KTN1: variants seen among roughly 807,000 people sequenced by gnomAD.
The protein encoded by KTN1 is kinectin 1.
Under a neutral mutation model 222.5 loss-of-function variants are expected in KTN1, and 130 were observed. The observed-to-expected ratio is 0.58, with a 90% CI of 0.51 to 0.68. The LOEUF (loss-of-function observed/expected upper bound fraction) is 0.68. KTN1 is among the 30% of genes least tolerant of loss of function. The pLI is 0.00. For synonymous variants in KTN1, 512 were observed against 496.3 expected, an observed-to-expected ratio of 1.03 and a Z score of -0.42; for missense variants, 1,508 against 1,500.4, an observed-to-expected ratio of 1.01 and a Z score of -0.08.
intron 5 of KTN1, among the ~76,000 whole-genome samples, chr14:55,626,866 C>CTTTTTTTTTTTTTTTT (rs35566825): frequency 6.7e-6 from 1 of 150,172 alleles, no homozygotes. Flanking sequence ...TTATCTGCAA[C>CTTTTTTTTTTTTTTTT]TTTTTTTTTC....
intron 35 of KTN1, among the ~76,000 whole-genome samples, chr14:55,671,144 A>T (rs2045409251): frequency 6.6e-6 from 1 of 152,190 alleles, no homozygotes; most frequent in African/African-American, 2.4e-5. Context: ...TTGCTGAAGC[A>T]TCCCCAAATA....
At chr14:55,634,443 G>C in intron 8 of KTN1, 83 bp from the exon 9 acceptor site, 1 of 1,283,332 alleles carries the variant, frequency 7.8e-7, no homozygotes, top group Non-Finnish European at 1.0e-6. Flanking sequence ...GCTCAGCTCA[G>C]CAAAACTAAC....
At chr14:55,591,277 G>T (rs749965282) in intron 1 of KTN1, among the ~76,000 whole-genome samples, 1 of 152,038 alleles carries the variant, frequency 6.6e-6, no homozygotes, top group Non-Finnish European at 1.5e-5. Flanking sequence ...AACTAAAAAC[G>T]CTAGTCAAGA....
chr14:55,605,684 A>G (rs2036626407), intron 1 of KTN1, among the ~76,000 whole-genome samples: 1 of 152,190 alleles, frequency 6.6e-6, no homozygotes, highest in South Asian at 2.1e-4. Context: ...CTTGCCTTCC[A>G]TTTTACTGCC....
At chr14:55,653,708 G>T in intron 28 of KTN1, 112 bp downstream of exon 28, 1 of 742,652 alleles carries the variant, frequency 1.3e-6, no homozygotes. Flanking sequence ...TTATTGTTAA[G>T]TGGAAATTAT....
chr14:55,651,190 G>A (rs767400554), intron 24 of KTN1: 3 of 448,930 alleles, frequency 6.7e-6, no homozygotes, highest in Non-Finnish European at 1.3e-5. Flanking sequence ...ACTTGTCAAA[G>A]CACTGTACTC....
chr14:55,650,680 G>A (rs771129577), intron 24 of KTN1, 43 bp downstream of exon 24: 2 of 1,404,182 alleles, frequency 1.4e-6, no homozygotes, highest in Middle Eastern at 2.0e-4. Context: ...TATTAGTTGT[G>A]TTATTTATGA....
At chr14:55,648,139 T>G (rs2042580961) in intron 20 of KTN1, 24 bp downstream of exon 20, 2 of 1,229,144 alleles carry the variant, frequency 1.6e-6, no homozygotes, top group Admixed American at 4.3e-5. Flanking sequence ...TAGTTTTGTT[T>G]TCCTTGTGAT....
chr14:55,641,967 C>T (rs2041853390), intron 18 of KTN1, among the ~76,000 whole-genome samples: 1 of 152,036 alleles, frequency 6.6e-6, no homozygotes, highest in Non-Finnish European at 1.5e-5. Flanking sequence ...AAAGCACATT[C>T]CAGAAAAATA....
intron 5 of KTN1, among the ~76,000 whole-genome samples, chr14:55,622,409 G>A (rs2039278225): frequency 6.6e-6 from 1 of 152,078 alleles, no homozygotes; most frequent in African/African-American, 2.4e-5. Context: ...TAAAAAAATT[G>A]TAAAATAAAA....
At chr14:55,618,516 A>C (rs2038705694) in intron 4 of KTN1, among the ~76,000 whole-genome samples, 1 of 152,190 alleles carries the variant, frequency 6.6e-6, no homozygotes, top group Admixed American at 6.5e-5. Context: ...TTTCCACATA[A>C]GTACACAACT....
intron 1 of KTN1, among the ~76,000 whole-genome samples, chr14:55,587,544 A>T (rs74810451): frequency 6.6e-6 from 1 of 152,334 alleles, no homozygotes; most frequent in East Asian, 1.9e-4. Flanking sequence ...AACGTTGAAG[A>T]TGTTGCCTTA....
chr14:55,619,338 A>G lies in KTN1; in HGVS notation c.963+26A>G, dbSNP rs745809361. 5.6e-6 allele frequency: 9 copies of G among 1,609,808 alleles called. No individual in the cohort carries two copies. In the African/African-American group the frequency reaches 1.1e-4, roughly 19 times the overall value. On this transcript the variant is annotated intron_variant, in intron 5 of 43. Coordinates refer to ENST00000395314, the MANE Select transcript of KTN1 (RefSeq NM_001079521.2). ...GTAAGCGTGTTTTTTGATTATGGGC[A>G]TATTCATGACCAGTCATTAGAAGTT...
intron 2 of KTN1, among the ~76,000 whole-genome samples, chr14:55,614,863 G>C (rs543281491): frequency 1.3e-5 from 2 of 152,294 alleles, no homozygotes; most frequent in East Asian, 3.9e-4. Flanking sequence ...ACTGGAGAGA[G>C]ACTAGATGTG....
intron 33 of KTN1, among the ~76,000 whole-genome samples, chr14:55,664,318 A>G (rs940449816): frequency 1.3e-5 from 2 of 152,268 alleles, no homozygotes; most frequent in South Asian, 4.1e-4. Context: ...TTGTCAGACA[A>G]TATGCGCCTT....
At chr14:55,665,607 G>A (rs1475195688) in intron 33 of KTN1, among the ~76,000 whole-genome samples, 1 of 151,868 alleles carries the variant, frequency 6.6e-6, no homozygotes, top group Non-Finnish European at 1.5e-5. Context: ...AATAAGTTAC[G>A]GTCAGCTTAC....
chr14:55,582,970 C>T, intron 1 of KTN1, among the ~76,000 whole-genome samples: 1 of 152,174 alleles, frequency 6.6e-6, no homozygotes, highest in Non-Finnish European at 1.5e-5. Context: ...AAGAGAATTG[C>T]ATTTCATTGC....
At chr14:55,673,302 C>G (rs756690149) in intron 40 of KTN1, 47 bp downstream of exon 40, 2 of 1,234,562 alleles carry the variant, frequency 1.6e-6, no homozygotes, top group Non-Finnish European at 2.4e-6. Flanking sequence ...ACTGAAAACA[C>G]TTTATTGACA....
At chr14:55,661,861 T>C in intron 32 of KTN1, 1 of 264,688 alleles carries the variant, frequency 3.8e-6, no homozygotes. Context: ...ATTATACCTT[T>C]AGTTATTTTA....
Sources: gnomAD v4.1 joint callset for allele counts (sites outside exome capture counted in the v4.1 genomes callset) on GRCh38, gnomAD v4.1.1 for gene constraint, MANE v1.5 for transcripts, NCBI Gene and HGNC (gene_info 2026-07-23, HGNC 2026-07-21) for gene names.